The following SMCHD1 variants were observed in gnomAD, a reference collection of about 807,000 sequenced individuals.
SMCHD1 encodes the protein structural maintenance of chromosomes flexible hinge domain containing 1, also known as structural maintenance of chromosomes flexible hinge domain-containing protein 1.
Under a neutral mutation model 254.7 loss-of-function variants are expected in SMCHD1, and 78 were observed. That is an observed-to-expected ratio of 0.31 (90% CI 0.26 to 0.37). SMCHD1 has a LOEUF of 0.37. Among genes scored for constraint, SMCHD1 ranks in the 10% least tolerant of loss-of-function variants. The pLI is 1.00. For missense variants in SMCHD1, 1,840 were observed against 2,408.1 expected (o/e 0.76, Z 4.94); for synonymous variants, 766 against 794.9 (o/e 0.96, Z 0.61).
intron 30 of SMCHD1, among the ~76,000 whole-genome samples, chr18:2,749,654 G>C (rs1289708219): frequency 6.6e-6 from 1 of 152,184 alleles, no homozygotes; most frequent in East Asian, 1.9e-4. Context: ...GCTTTGACTT[G>C]AGTATGTGTG....
At chr18:2,661,816 A>G (rs1311070123) in intron 1 of SMCHD1, among the ~76,000 whole-genome samples, 1 of 152,156 alleles carries the variant, frequency 6.6e-6, no homozygotes, top group African/African-American at 2.4e-5. Context: ...GGCTAAATGA[A>G]CTATTATATG....
At chr18:2,756,931 G>A (rs943100468) in intron 34 of SMCHD1, among the ~76,000 whole-genome samples, 13 of 152,030 alleles carry the variant, frequency 8.6e-5, no homozygotes, top group Admixed American at 2.6e-4. Flanking sequence ...TTGATTAATC[G>A]TAGTAAGAGA....
chr18:2,688,669 T>A lies in SMCHD1; in HGVS notation c.795T>A (p.Leu265=). 1 of 1,561,250 alleles carries A rather than the reference T, an allele frequency of 6.4e-7. No individual in the cohort carries two copies. The highest frequency in any genetic ancestry group is 8.7e-7 in the Non-Finnish European group (1 of 1,151,194). The stretch of plus-strand genomic sequence containing the variant: ...CAGATTCCCAAGATGTTCACGAGCT[T>A]GTGCTTTCTAAAGAAGATTTTGAGA... ...KPADSQDVHE[L]VLSKEDFEKK... The change falls in exon 7 of 48, where the codon CTT becomes CTA. Residue 265 remains leucine (L), a synonymous_variant. Coordinates refer to ENST00000320876, the MANE Select transcript of SMCHD1 (RefSeq NM_015295.3).
At chr18:2,748,502 C>G (rs1429892892) in intron 30 of SMCHD1, among the ~76,000 whole-genome samples, 1 of 74,582 alleles carries the variant, frequency 1.3e-5, no homozygotes, top group Non-Finnish European at 2.9e-5. Flanking sequence ...CAAAGCAATT[C>G]TCCTGCCTCC....
intron 7 of SMCHD1, chr18:2,692,002 C>G (rs2074190318): frequency 6.6e-6 from 1 of 152,252 alleles, no homozygotes; most frequent in African/African-American, 2.4e-5. Context: ...TAAAAAACTT[C>G]AGGAAATAGC....
chr18:2,684,111 T>A (rs2073988148), intron 5 of SMCHD1, among the ~76,000 whole-genome samples: 1 of 152,164 alleles, frequency 6.6e-6, no homozygotes, highest in East Asian at 1.9e-4. Context: ...AACTAGATGC[T>A]CAGCAAGACT....
chr18:2,748,384 A>G (rs9946063), intron 30 of SMCHD1, among the ~76,000 whole-genome samples: 15,104 of 67,468 alleles, frequency 0.22, 2,384 homozygotes, highest in African/African-American at 0.33. Flanking sequence ...GTGTGTGTGT[A>G]TATAAATTTT....
intron 37 of SMCHD1, 101 bp from the exon 38 acceptor site, chr18:2,769,593 A>T: frequency 7.7e-7 from 1 of 1,297,142 alleles, no homozygotes; most frequent in Non-Finnish European, 1.1e-6. Flanking sequence ...TTTAAAATTA[A>T]CCACTTACTT....
At chr18:2,667,707 T>C (rs1219765545) in intron 3 of SMCHD1, among the ~76,000 whole-genome samples, 4 of 152,212 alleles carry the variant, frequency 2.6e-5, no homozygotes, top group South Asian at 2.1e-4. Context: ...ACTAACACTT[T>C]GGTGTTTATC....
intron 25 of SMCHD1, among the ~76,000 whole-genome samples, chr18:2,736,580 G>A (rs1434246762): frequency 6.7e-6 from 1 of 150,182 alleles, no homozygotes; most frequent in African/African-American, 2.4e-5. Context: ...TAAAAAATGG[G>A]CAAAGGATAT....
At chr18:2,658,690 T>C (rs1447610797) in intron 1 of SMCHD1, among the ~76,000 whole-genome samples, 1 of 152,118 alleles carries the variant, frequency 6.6e-6, no homozygotes, top group Non-Finnish European at 1.5e-5. Context: ...TAACTTTGTC[T>C]CCATTACGTA....
chr18:2,776,034 A>C, intron 42 of SMCHD1, 110 bp downstream of exon 42: 5 of 961,644 alleles, frequency 5.2e-6, no homozygotes, highest in Non-Finnish European at 7.5e-6. Context: ...CAGAGAATTG[A>C]CTTGAATTAT....
intron 37 of SMCHD1, among the ~76,000 whole-genome samples, chr18:2,768,655 AG>A (rs2075915805): frequency 7.9e-6 from 1 of 126,896 alleles, no homozygotes; most frequent in Admixed American, 8.5e-5. Context: ...TACAGTATAT[AG>A]TATAGTATAT....
At chr18:2,737,938 A>C (rs1049276521) in intron 25 of SMCHD1, among the ~76,000 whole-genome samples, 8 of 152,184 alleles carry the variant, frequency 5.3e-5, no homozygotes, top group Admixed American at 2.6e-4. Flanking sequence ...AGAAGAGATT[A>C]AGGCCAAAGT....
intron 3 of SMCHD1, among the ~76,000 whole-genome samples, chr18:2,668,242 T>C (rs2073492063): frequency 6.6e-6 from 1 of 151,922 alleles, no homozygotes; most frequent in Non-Finnish European, 1.5e-5. Context: ...TACAAATGAC[T>C]CTGAATGTTC....
chr18:2,660,609 G>A (rs894211325), intron 1 of SMCHD1, among the ~76,000 whole-genome samples: 1 of 151,688 alleles, frequency 6.6e-6, no homozygotes, highest in African/African-American at 2.4e-5. Flanking sequence ...AAATAGCTGG[G>A]ATTACAGGCA....
chr18:2,778,971 C>G (rs1250580801), intron 44 of SMCHD1: 1 of 152,152 alleles, frequency 6.6e-6, no homozygotes, highest in Non-Finnish European at 1.5e-5. Flanking sequence ...AATGAGTTAT[C>G]TCAATTGATG....
At chr18:2,740,464 TA>T (rs1415181026) in intron 27 of SMCHD1, among the ~76,000 whole-genome samples, 4 of 152,132 alleles carry the variant, frequency 2.6e-5, no homozygotes, top group Non-Finnish European at 5.9e-5. Context: ...ATTTTCATGG[TA>T]AAAAAATCTG....
At chr18:2,674,749 T>C (rs1291180648) in intron 5 of SMCHD1, among the ~76,000 whole-genome samples, 1 of 152,234 alleles carries the variant, frequency 6.6e-6, no homozygotes, top group African/African-American at 2.4e-5. Context: ...TTTTAAGCTA[T>C]GTTGCTCTAC....
Sources: gnomAD v4.1 joint callset for allele counts (sites outside exome capture counted in the v4.1 genomes callset) on GRCh38, gnomAD v4.1.1 for gene constraint, MANE v1.5 for transcripts, NCBI Gene and HGNC (gene_info 2026-07-23, HGNC 2026-07-21) for gene names.